CRIM1: variants seen among roughly 807,000 people sequenced by gnomAD.
CRIM1 encodes cysteine-rich motor neuron 1 protein.
CRIM1 carries 32 observed loss-of-function variants against 116.4 expected under a neutral mutation model. That is an observed-to-expected ratio of 0.27 (90% CI 0.21 to 0.37). CRIM1 has a LOEUF of 0.37. Ranked by LOEUF, CRIM1 falls within the 10% of genes least tolerant of loss-of-function variation. The probability of loss-of-function intolerance (pLI) is 1.00; values close to 1 mark genes in which losing one functional copy is unlikely to be tolerated. For synonymous variants in CRIM1, 590 were observed against 509.2 expected (o/e 1.16, Z -2.13); for missense variants, 1,331 against 1,354.8 (o/e 0.98, Z 0.28).
intron 1 of CRIM1, among the ~76,000 whole-genome samples, chr2:36,389,364 A>G (rs148435407): frequency 0.023 from 3,458 of 152,254 alleles, 59 homozygotes; most frequent in Non-Finnish European, 0.034. Flanking sequence ...GCGATTTTAC[A>G]TTACACTGGA....
intron 1 of CRIM1, among the ~76,000 whole-genome samples, chr2:36,370,100 G>A (rs1185142320): frequency 1.3e-5 from 2 of 151,974 alleles, no homozygotes; most frequent in African/African-American, 4.8e-5. Context: ...TAATTAAGAT[G>A]CTTTGGGTTT....
At chr2:36,532,008 C>G (rs1666154518) in intron 13 of CRIM1, 1 of 470,454 alleles carries the variant, frequency 2.1e-6, no homozygotes, top group African/African-American at 2.0e-5. Context: ...TGTATTCTTG[C>G]AGAGACTTTG....
intron 4 of CRIM1, among the ~76,000 whole-genome samples, chr2:36,453,185 C>G (rs1258644423): frequency 1.4e-4 from 21 of 152,198 alleles, no homozygotes; most frequent in Non-Finnish European, 1.5e-5. Context: ...GCAGATAATT[C>G]AGGGTTATAT....
chr2:36,382,740 C>CT (rs1670880893), intron 1 of CRIM1, among the ~76,000 whole-genome samples: 1 of 152,206 alleles, frequency 6.6e-6, no homozygotes, highest in Non-Finnish European at 1.5e-5. Context: ...TCTGGTCTGC[C>CT]TTGAGAACTT....
At chr2:36,385,062 C>G (rs1558523801) in intron 1 of CRIM1, among the ~76,000 whole-genome samples, 1 of 149,008 alleles carries the variant, frequency 6.7e-6, no homozygotes, top group Non-Finnish European at 1.5e-5. Context: ...ATAAATAAGA[C>G]CAAACACAAT....
chr2:36,456,625 G>C (rs565828954), intron 4 of CRIM1, among the ~76,000 whole-genome samples: 1 of 152,132 alleles, frequency 6.6e-6, no homozygotes, highest in Admixed American at 6.5e-5. Context: ...GGAGCCTTCC[G>C]TTCCTGGGAC....
chr2:36,446,087 C>A (rs1337367543), intron 4 of CRIM1, among the ~76,000 whole-genome samples: 1 of 152,152 alleles, frequency 6.6e-6, no homozygotes, highest in Non-Finnish European at 1.5e-5. Flanking sequence ...GAAACTTTAG[C>A]TGTAAAGAAT....
rs1668850205 is a variant in CRIM1 at position 36,356,861 on chromosome 2, A to C, written c.331+238A>C. Among the ~76,000 whole-genome samples the C allele has an allele frequency of 6.6e-6, 1 of 152,110 alleles. No homozygotes were observed. The highest frequency in any genetic ancestry group is 1.9e-4 in the East Asian group (1 of 5,180). On this transcript the variant is annotated intron_variant, in intron 1 of 16. Coordinates refer to ENST00000280527, the MANE Select transcript of CRIM1 (RefSeq NM_016441.3). The surrounding 1 kb of genome is among the most constrained non-coding windows in gnomAD (Gnocchi z 4.3). ...ATGGTGGGTGGGGGCGAGCGAGTGG[A>C]GGATCGCCCCTGTCCCCGCGCAGAC... is the stretch of plus-strand genomic sequence containing the variant.
rs931715668 is a variant in CRIM1 at position 36,526,208 on chromosome 2, G to A, written c.2428+3895G>A. Among the ~76,000 whole-genome samples, 6 of 152,214 alleles carry A rather than the reference G, an allele frequency of 3.9e-5. No homozygotes were observed. In the South Asian group the frequency reaches 1.2e-3, roughly 32 times the overall value. On this transcript the variant is annotated intron_variant, in intron 13 of 16. Coordinates refer to ENST00000280527, the MANE Select transcript of CRIM1 (RefSeq NM_016441.3). ...TTTTTTTTGTACTCTGGTTTTCTAAGTAAATACATTCAAACTTAGATTTTA... is the reference window on the plus strand; with the variant it reads ...TTTTTTTTGTACTCTGGTTTTCTAAATAAATACATTCAAACTTAGATTTTA...
At chr2:36,444,858 C>T (rs1285282053) in intron 4 of CRIM1, among the ~76,000 whole-genome samples, 1 of 152,212 alleles carries the variant, frequency 6.6e-6, no homozygotes, top group Non-Finnish European at 1.5e-5. Context: ...TCTACCTCTC[C>T]TTCAAGACTG....
chr2:36,369,262 C>A (rs1052302987), intron 1 of CRIM1: 3 of 152,246 alleles, frequency 2.0e-5, no homozygotes, highest in Non-Finnish European at 4.4e-5. Flanking sequence ...GAGTTAGAGA[C>A]CCCACTTGCC....
intron 2 of CRIM1, among the ~76,000 whole-genome samples, chr2:36,416,650 C>T (rs866311371): frequency 3.9e-5 from 6 of 152,038 alleles, no homozygotes; most frequent in Non-Finnish European, 5.9e-5. Flanking sequence ...TGGCCATAGT[C>T]CCATTTCTTT....
In CRIM1 at chr2:36,397,967, G is replaced by A. The variant is rs187043142; in HGVS notation, c.505+1180G>A. Among the ~76,000 whole-genome samples the A allele has an allele frequency of 2.2e-3, 332 of 152,124 alleles. 3 individuals are homozygous for A. The highest frequency in any genetic ancestry group is 1.8e-3 in the Non-Finnish European group (124 of 67,966). On this transcript the variant is annotated intron_variant, in intron 2 of 16. Transcript: ENST00000280527. ...ACTAATCACACCAAGTATTCTTCCT[G>A]TCACATCATGACTTAAACAATGCCA...
intron 1 of CRIM1, among the ~76,000 whole-genome samples, chr2:36,382,077 T>C (rs1338567785): frequency 1.3e-5 from 2 of 152,112 alleles, no homozygotes; most frequent in Non-Finnish European, 2.9e-5. Flanking sequence ...AGCTCTTTGC[T>C]CCTCTCCGGG....
Position 36,548,679 on chromosome 2 carries a change from ACAATTTCTAC to A in CRIM1, c.3093_3102del (p.Asn1031LysfsTer10), listed in dbSNP as rs781634943. 1 of 1,597,214 alleles carries A rather than the reference ACAATTTCTAC, an allele frequency of 6.3e-7. No homozygotes were observed. The highest frequency in any genetic ancestry group is 1.1e-5 in the South Asian group (1 of 87,338). Reference sequence around the variant, plus strand: ...CAAAAACAGAACCATCTACAGGCAGACAATTTCTACCAAACAGTGTGAAGAAAGGCAACTA... The same window carrying A: ...CAAAAACAGAACCATCTACAGGCAGACAAACAGTGTGAAGAAAGGCAACTA... On this transcript the variant is annotated frameshift_variant, in exon 17 of 17. Transcript: ENST00000280527. LOFTEE classifies it high-confidence loss of function.
intron 7 of CRIM1, among the ~76,000 whole-genome samples, chr2:36,488,555 G>A (rs951605945): frequency 1.3e-5 from 2 of 152,164 alleles, no homozygotes; most frequent in African/African-American, 2.4e-5. Context: ...TCTGAAATTT[G>A]CCAGAAAGCA....
chr2:36,488,188 T>C (rs1679974118), intron 7 of CRIM1, among the ~76,000 whole-genome samples: 1 of 152,202 alleles, frequency 6.6e-6, no homozygotes, highest in African/African-American at 2.4e-5. Flanking sequence ...CTGTGTTGTA[T>C]CTATCTGATT....
rs538230390 is a variant in CRIM1 at position 36,356,965 on chromosome 2, G to A, written c.331+342G>A. Among the ~76,000 whole-genome samples, 23 of 152,266 alleles carry A rather than the reference G, an allele frequency of 1.5e-4. No homozygotes were observed. In the South Asian group the frequency reaches 4.1e-3, roughly 27 times the overall value. On this transcript the variant is annotated intron_variant, in intron 1 of 16. Coordinates refer to ENST00000280527, the MANE Select transcript of CRIM1 (RefSeq NM_016441.3). This position sits in a 1 kb window ranked among gnomAD's most constrained non-coding sequence, Gnocchi z 4.3. Reference sequence around the variant, plus strand: ...GAGGTGGGGGCGCCGCGGGCGGGGGGCACTGCAGATTCTGCCGCGCGCGAG... The same window carrying A: ...GAGGTGGGGGCGCCGCGGGCGGGGGACACTGCAGATTCTGCCGCGCGCGAG...
At chr2:36,361,633 CATTCCAGACATTAATTGTGAA>C (rs1191234426) in intron 1 of CRIM1, among the ~76,000 whole-genome samples, 2 of 152,172 alleles carry the variant, frequency 1.3e-5, no homozygotes, top group Admixed American at 1.3e-4. Context: ...ATCCAAAACA[CATTCCAGACATTAATTGTGAA>C]ATTCCTGAAA....
Sources: gnomAD v4.1 joint callset for allele counts (sites outside exome capture counted in the v4.1 genomes callset) on GRCh38, gnomAD v4.1.1 for gene constraint, Gnocchi (gnomAD v3.1) non-coding constraint, MANE v1.5 for transcripts, NCBI Gene and HGNC (gene_info 2026-07-23, HGNC 2026-07-21) for gene names.